FHOD3: variants seen among roughly 807,000 people sequenced by gnomAD.
The protein encoded by FHOD3 is formin homology 2 domain containing 3.
In FHOD3, 90 loss-of-function variants were observed where a neutral mutation model predicts 173.0. The observed-to-expected ratio is 0.52, with a 90% confidence interval of 0.44 to 0.62. The LOEUF is 0.62. Among genes scored for constraint, FHOD3 ranks in the 20% least tolerant of loss-of-function variants. FHOD3 has a pLI of 0.00. For synonymous variants in FHOD3, 828 were observed against 823.0 expected, an observed-to-expected ratio of 1.01 and a Z score of -0.10; for missense variants, 1,945 against 2,034.7, an observed-to-expected ratio of 0.96 and a Z score of 0.85.
rs1266551890 is a variant in FHOD3, at chr18:36,355,598, C to G, written c.225C>G (p.Thr75=). The G allele has an allele frequency of 6.2e-7, 1 of 1,614,122 alleles. No individual in the cohort carries two copies. Among genetic ancestry groups the G allele is most frequent in the South Asian group, 1.1e-5 (1 of 91,078 alleles). The part of the protein sequence containing the change: ...HNGAYLDLEA[T]LAEQRDELEG... Reference sequence around the variant, plus strand: ...GCGCCTACCTGGATTTGGAGGCCACCCTGGCAGAGCAGCGGGATGAGTTGG... The same window carrying G: ...GCGCCTACCTGGATTTGGAGGCCACGCTGGCAGAGCAGCGGGATGAGTTGG... Residue 75 remains threonine, a synonymous_variant, in exon 2 of 29, where the codon ACC becomes ACG. Transcript: ENST00000590592.
At position 36,325,639 on chromosome 18, in the gene FHOD3, G is replaced by A. The variant is rs187370577; in HGVS notation, c.165+27639G>A. Among the ~76,000 whole-genome samples the A allele has an allele frequency of 2.7e-3, 406 of 152,290 alleles. 1 individual carries two copies. Among genetic ancestry groups the A allele is most frequent in the African/African-American group, 9.1e-3 (377 of 41,564 alleles). ...TAATAGATGGTGCTAGCGGTGGGCAGGGTGCTGTGGGCTGGAGGAAGGAAT... is the reference window on the plus strand; with the variant it reads ...TAATAGATGGTGCTAGCGGTGGGCAAGGTGCTGTGGGCTGGAGGAAGGAAT... On this transcript the variant is annotated intron_variant, in intron 1 of 28. Coordinates refer to ENST00000590592, the MANE Select transcript of FHOD3 (RefSeq NM_001281740.3).
intron 5 of FHOD3, among the ~76,000 whole-genome samples, chr18:36,519,506 C>T (rs1472494737): frequency 2.0e-5 from 3 of 152,162 alleles, no homozygotes; most frequent in Non-Finnish European, 4.4e-5. Flanking sequence ...GGAGGCTCCT[C>T]GCTGTGCTTC....
chr18:36,565,319 C>A (rs2147763171), intron 5 of FHOD3, among the ~76,000 whole-genome samples: 1 of 152,220 alleles, frequency 6.6e-6, no homozygotes, highest in Non-Finnish European at 1.5e-5. Context: ...TAGCCCTTCC[C>A]AGAAGATAAG....
chr18:36,715,919 A>G (rs2040423786), intron 18 of FHOD3, among the ~76,000 whole-genome samples: 1 of 152,252 alleles, frequency 6.6e-6, no homozygotes, highest in South Asian at 2.1e-4. Flanking sequence ...CCCTGAGGCC[A>G]GATCATACTT....
In FHOD3 at chr18:36,638,138, T is replaced by G. The variant is rs568114589; in HGVS notation, c.1197-11178T>G. ...TGAATTCCTGTAAGTAAATATTCATTAAAAATAGCAAAAACTCTTTAGAAA... is the reference window on the plus strand; with the variant it reads ...TGAATTCCTGTAAGTAAATATTCATGAAAAATAGCAAAAACTCTTTAGAAA... On this transcript the variant is annotated intron_variant, in intron 10 of 28. Coordinates refer to ENST00000590592, the MANE Select transcript of FHOD3 (RefSeq NM_001281740.3). 1.6e-4 allele frequency among the ~76,000 whole-genome samples: 24 copies of G among 152,234 alleles called. No individual in the cohort carries two copies. The South Asian group carries it at 5.0e-3, about 32-fold the overall frequency.
intron 19 of FHOD3, among the ~76,000 whole-genome samples, chr18:36,720,774 C>CCTG (rs2040738742): frequency 5.3e-5 from 2 of 37,836 alleles, no homozygotes; most frequent in African/African-American, 1.2e-4. Context: ...TTCTCCTCCT[C>CCTG]CTCCTCTTCC....
intron 1 of FHOD3, among the ~76,000 whole-genome samples, chr18:36,333,804 A>G (rs759098819): frequency 6.6e-6 from 1 of 152,216 alleles, no homozygotes; most frequent in Admixed American, 6.5e-5. Context: ...CCAGTGACTT[A>G]TCCATGCTTA....
chr18:36,753,794 C>A (rs954378656), intron 24 of FHOD3, among the ~76,000 whole-genome samples: 3 of 152,148 alleles, frequency 2.0e-5, no homozygotes, highest in South Asian at 2.1e-4. Context: ...GATGTGTATT[C>A]CTTAGTGATG....
At chr18:36,436,836 T>C (rs1435726408) in intron 3 of FHOD3, among the ~76,000 whole-genome samples, 1 of 152,182 alleles carries the variant, frequency 6.6e-6, no homozygotes, top group Non-Finnish European at 1.5e-5. Context: ...GGATAAAAGT[T>C]GAAAATTAAT....
At chr18:36,525,732 A>G (rs1210541564) in intron 5 of FHOD3, among the ~76,000 whole-genome samples, 4 of 152,152 alleles carry the variant, frequency 2.6e-5, no homozygotes, top group Non-Finnish European at 5.9e-5. Context: ...CATCCATTCA[A>G]GCTGAATTCC....
chr18:36,502,884 C>G (rs966623760), intron 4 of FHOD3, among the ~76,000 whole-genome samples: 1 of 152,022 alleles, frequency 6.6e-6, no homozygotes, highest in African/African-American at 2.4e-5. Context: ...CATATATATC[C>G]TACTTCTGCT....
chr18:36,762,922 GTAT>G (rs961287371), intron 27 of FHOD3, among the ~76,000 whole-genome samples: 34 of 145,600 alleles, frequency 2.3e-4, no homozygotes, highest in African/African-American at 8.3e-4. Context: ...TTATATATGT[GTAT>G]TATATACATT....
intron 5 of FHOD3, among the ~76,000 whole-genome samples, chr18:36,529,616 T>A (rs1599530557): frequency 6.6e-6 from 1 of 151,914 alleles, no homozygotes; most frequent in East Asian, 1.9e-4. Context: ...GTCAGGAGTT[T>A]GAGACCAGCC....
chr18:36,452,864 ATGTGTATATATATG>A (rs2051946784), intron 3 of FHOD3, among the ~76,000 whole-genome samples: 1 of 152,006 alleles, frequency 6.6e-6, no homozygotes, highest in Non-Finnish European at 1.5e-5. Context: ...ATGTATATGT[ATGTGTATATATATG>A]TGTGTATATA....
Position 36,583,749 on chromosome 18 carries a change from G to T in FHOD3, c.606+7204G>T, listed in dbSNP as rs557366138. ...CCAAGGGGTTTATGCTCTCATGGTA[G>T]CCCACAGTTGACATTTGACAATTTG... On this transcript the variant is annotated intron_variant, in intron 6 of 28. Coordinates refer to ENST00000590592, the MANE Select transcript of FHOD3 (RefSeq NM_001281740.3). Among the ~76,000 whole-genome samples, 208 of 152,272 alleles carry T rather than the reference G, an allele frequency of 1.4e-3. 1 individual carries two copies. The highest frequency in any genetic ancestry group is 2.1e-3 in the Non-Finnish European group (144 of 68,026).
intron 3 of FHOD3, among the ~76,000 whole-genome samples, chr18:36,498,227 T>A (rs1056802149): frequency 2.0e-5 from 3 of 152,156 alleles, no homozygotes; most frequent in Non-Finnish European, 4.4e-5. Context: ...AGAGATGAAC[T>A]TATAGCATTA....
At chr18:36,393,712 G>A (rs2048414256) in intron 3 of FHOD3, among the ~76,000 whole-genome samples, 1 of 152,194 alleles carries the variant, frequency 6.6e-6, no homozygotes, top group Non-Finnish European at 1.5e-5. Context: ...ACAAAGGGGA[G>A]TGAAATGAGC....
chr18:36,602,719 A>T lies in FHOD3; in HGVS notation c.764A>T (p.Asp255Val). The T allele has an allele frequency of 5.6e-6, 9 of 1,614,202 alleles. No individual in the cohort carries two copies. Among genetic ancestry groups the T allele is most frequent in the Non-Finnish European group, 6.8e-6 (8 of 1,180,030 alleles). The change falls in exon 8 of 29, where the codon GAT becomes GTT. Residue 255 changes from aspartate to valine, a missense_variant. Coordinates refer to ENST00000590592, the MANE Select transcript of FHOD3 (RefSeq NM_001281740.3). The part of the protein sequence containing the change: ...SNIMEILEEK[D>V]GVDTELLVYA... The stretch of plus-strand genomic sequence containing the variant: ...ATCATGGAAATCCTGGAGGAAAAAG[A>T]TGGAGTTGATACGGAGCTACTGGTT...
rs372988598 is a variant in FHOD3 at position 36,302,319 on chromosome 18, C to T, written c.165+4319C>T. ...CAGCTGATTGCAGTGAGGATAGAAT[C>T]TAGCTACTCCAAGTGTGAGCTGTGT... On this transcript the variant is annotated intron_variant, in intron 1 of 28. Transcript: ENST00000590592. Among the ~76,000 whole-genome samples, 175 of 152,292 alleles carry T rather than the reference C, an allele frequency of 1.1e-3. 1 individual carries two copies. The highest frequency in any genetic ancestry group is 4.0e-3 in the African/African-American group (166 of 41,564).
Sources: gnomAD v4.1 joint callset for allele counts (sites outside exome capture counted in the v4.1 genomes callset) on GRCh38, gnomAD v4.1.1 for gene constraint, MANE v1.5 for transcripts, NCBI Gene and HGNC (gene_info 2026-07-23, HGNC 2026-07-21) for gene names.